The following TANC2 variants were observed in gnomAD, a reference collection of about 807,000 sequenced individuals.
TANC2 encodes protein TANC2.
In TANC2, 26 loss-of-function variants were observed where a neutral mutation model predicts 210.5. The observed-to-expected ratio is 0.12, with a 90% CI of 0.09 to 0.17. TANC2 has a LOEUF of 0.17. TANC2 is among the 10% of genes least tolerant of loss of function. The pLI, the probability that TANC2 is intolerant of heterozygous loss-of-function variation, is 1.00. For synonymous variants in TANC2, 931 were observed against 967.1 expected (o/e 0.96, Z 0.69); for missense variants, 2,129 against 2,608.9 (o/e 0.82, Z 4.01).
intron 9 of TANC2, among the ~76,000 whole-genome samples, chr17:63,308,457 G>C (rs1468810916): frequency 2.0e-5 from 3 of 152,104 alleles, no homozygotes; most frequent in Non-Finnish European, 2.9e-5. Context: ...CCTAGTATTA[G>C]GTCCACTTCA....
intron 12 of TANC2, among the ~76,000 whole-genome samples, chr17:63,350,134 G>A: frequency 6.6e-6 from 1 of 152,160 alleles, no homozygotes; most frequent in East Asian, 1.9e-4. Flanking sequence ...TTCAAATATG[G>A]AAACAAAATA....
intron 6 of TANC2, among the ~76,000 whole-genome samples, chr17:63,200,567 C>G (rs1430553127): frequency 6.6e-6 from 1 of 151,978 alleles, no homozygotes; most frequent in Admixed American, 6.6e-5. Context: ...TGGCAACAGT[C>G]TCTGTTAATG....
At chr17:63,269,544 T>G (rs572084792) in intron 9 of TANC2, among the ~76,000 whole-genome samples, 8 of 152,310 alleles carry the variant, frequency 5.3e-5, no homozygotes, top group African/African-American at 1.9e-4. Context: ...ATACTGACAT[T>G]GTTGACTTTA....
chr17:63,117,501 G>A (rs2145095544), intron 4 of TANC2, among the ~76,000 whole-genome samples: 2 of 152,342 alleles, frequency 1.3e-5, no homozygotes, highest in Middle Eastern at 6.8e-3. Flanking sequence ...ACAAAAAGAA[G>A]CAGGTGATGT....
exon 22 of TANC2, chr17:63,411,647 C>G: frequency 1.2e-6 from 2 of 1,613,738 alleles, no homozygotes; most frequent in Non-Finnish European, 8.5e-7. Context: ...ATGGCCGTAC[C>G]CCACTGGATC....
chr17:63,119,497 T>G (rs2145115135), intron 4 of TANC2, among the ~76,000 whole-genome samples: 1 of 152,336 alleles, frequency 6.6e-6, no homozygotes, highest in Admixed American at 6.5e-5. Context: ...ATATATGTCA[T>G]TAATAACAAG....
At chr17:63,157,251 C>G (rs954807444) in intron 5 of TANC2, among the ~76,000 whole-genome samples, 1 of 152,122 alleles carries the variant, frequency 6.6e-6, no homozygotes, top group Non-Finnish European at 1.5e-5. Context: ...TTCTTTAGTT[C>G]AGCATGTCAA....
intron 14 of TANC2, among the ~76,000 whole-genome samples, chr17:63,377,186 A>G (rs973385981): frequency 1.3e-5 from 2 of 152,208 alleles, no homozygotes; most frequent in Non-Finnish European, 2.9e-5. Context: ...AGGGGCTGCC[A>G]TGAAAACCTT....
chr17:63,310,615 A>G (rs935790424), intron 9 of TANC2, among the ~76,000 whole-genome samples: 3 of 152,230 alleles, frequency 2.0e-5, no homozygotes, highest in Non-Finnish European at 4.4e-5. Flanking sequence ...TCCAATAGAA[A>G]TGTGAGTAAA....
At chr17:63,036,792 T>C (rs1334709447) in intron 2 of TANC2, among the ~76,000 whole-genome samples, 1 of 152,040 alleles carries the variant, frequency 6.6e-6, no homozygotes. Context: ...CATCAGCATT[T>C]GGTAGTTTCC....
intron 17 of TANC2, among the ~76,000 whole-genome samples, chr17:63,394,333 C>G (rs147530472): frequency 1.3e-5 from 2 of 152,116 alleles, no homozygotes; most frequent in Admixed American, 6.6e-5. Flanking sequence ...CAAACTGATT[C>G]CTGTGTCCTT....
At chr17:63,203,857 G>C (rs556824695) in intron 7 of TANC2, among the ~76,000 whole-genome samples, 1 of 152,252 alleles carries the variant, frequency 6.6e-6, no homozygotes, top group Admixed American at 6.5e-5. Flanking sequence ...AAAGCCAAGG[G>C]AGACACATGT....
chr17:63,062,899 A>G (rs548082571), intron 2 of TANC2, among the ~76,000 whole-genome samples: 2 of 152,316 alleles, frequency 1.3e-5, no homozygotes, highest in Admixed American at 1.3e-4. Context: ...CAGGTGTCCT[A>G]TAATTCAATT....
chr17:63,331,760 A>G (rs1056721853), intron 11 of TANC2, among the ~76,000 whole-genome samples: 6 of 152,194 alleles, frequency 3.9e-5, no homozygotes, highest in African/African-American at 1.4e-4. Context: ...GACTTTGGCA[A>G]TAAAAAACCA....
intron 5 of TANC2, among the ~76,000 whole-genome samples, chr17:63,160,650 T>C (rs1164199160): frequency 6.6e-6 from 1 of 152,238 alleles, no homozygotes; most frequent in African/African-American, 2.4e-5. Context: ...TCTACCGTTA[T>C]TTCCTTAGAA....
Position 63,008,159 on chromosome 17 carries a change from A to T in TANC2, c.-23-1378A>T, listed in dbSNP as rs1391563011. On this transcript the variant is annotated intron_variant, in intron 1 of 27. Coordinates refer to ENST00000689528, the Ensembl canonical transcript of TANC2. ...TTAGCAGTTTGGCTATGATTTGCTC[A>T]GTGTTTTTCTTTGTGGTTATTCTGC... 2.0e-5 allele frequency among the ~76,000 whole-genome samples: 3 copies of T among 151,878 alleles called. No individual in the cohort carries two copies. The East Asian group carries it at 5.8e-4, about 29-fold the overall frequency.
intron 2 of TANC2, among the ~76,000 whole-genome samples, chr17:63,011,993 TC>T (rs779704597): frequency 3.3e-4 from 50 of 151,570 alleles, no homozygotes; most frequent in Non-Finnish European, 6.0e-4. Flanking sequence ...TTTCCTCTCT[TC>T]CTTTCTTTTG....
intron 7 of TANC2, among the ~76,000 whole-genome samples, chr17:63,203,856 GGA>G (rs2041613193): frequency 6.6e-6 from 1 of 152,114 alleles, no homozygotes; most frequent in African/African-American, 2.4e-5. Flanking sequence ...CAAAGCCAAG[GGA>G]GACACATGTT....
intron 5 of TANC2, among the ~76,000 whole-genome samples, chr17:63,177,008 A>T (rs2040608341): frequency 6.6e-6 from 1 of 152,046 alleles, no homozygotes; most frequent in Admixed American, 6.6e-5. Context: ...TCACACCTGT[A>T]ATCCCAGCAC....
Sources: allele counts gnomAD v4.1 joint callset (sites outside exome capture counted in the v4.1 genomes callset), GRCh38; gene constraint gnomAD v4.1.1; transcripts MANE v1.5; gene names NCBI Gene and HGNC (gene_info 2026-07-23, HGNC 2026-07-21).